The following THADA variants were observed in gnomAD, a reference collection of about 807,000 sequenced individuals.
THADA encodes the protein THADA armadillo repeat containing.
In THADA, 213 loss-of-function variants were observed where a neutral mutation model predicts 219.8. That is an observed-to-expected ratio of 0.97 (90% CI 0.87 to 1.09). The LOEUF is 1.09. Among genes scored for constraint, THADA ranks in the 50% least tolerant of loss-of-function variants. The pLI, the probability that THADA is intolerant of heterozygous loss-of-function variation, is 0.00. For synonymous variants in THADA, 1,018 were observed against 828.9 expected (o/e 1.23, Z -3.92); for missense variants, 2,956 against 2,311.3 (o/e 1.28, Z -5.72).
chr2:43,350,178 T>A (rs370148017), intron 29 of THADA, among the ~76,000 whole-genome samples: 3 of 152,172 alleles, frequency 2.0e-5, no homozygotes, highest in Non-Finnish European at 2.9e-5. Context: ...GTCGACTTAA[T>A]TCATACAAAC....
At chr2:43,423,225 C>G (rs534251137) in intron 28 of THADA, among the ~76,000 whole-genome samples, 1 of 152,190 alleles carries the variant, frequency 6.6e-6, no homozygotes, top group East Asian at 1.9e-4. Context: ...GATAAGCATG[C>G]AATCTAGCTT....
chr2:43,239,473 A>C (rs1267684481), intron 36 of THADA, among the ~76,000 whole-genome samples: 3 of 152,244 alleles, frequency 2.0e-5, no homozygotes, highest in Non-Finnish European at 2.9e-5. Flanking sequence ...AGTGATTATT[A>C]ATTTCTAGGC....
intron 30 of THADA, among the ~76,000 whole-genome samples, chr2:43,332,928 G>A (rs1573110525): frequency 6.6e-6 from 1 of 152,132 alleles, no homozygotes; most frequent in South Asian, 2.1e-4. Context: ...TTTATTTCTC[G>A]CTGCGGTATG....
intron 29 of THADA, among the ~76,000 whole-genome samples, chr2:43,354,098 G>A (rs1042329867): frequency 7.2e-5 from 11 of 151,892 alleles, no homozygotes; most frequent in Non-Finnish European, 1.5e-4. Context: ...ATTACAGGCG[G>A]GAGTGAGCCA....
chr2:43,410,429 C>T (rs568713091), intron 28 of THADA, among the ~76,000 whole-genome samples: 30 of 152,332 alleles, frequency 2.0e-4, no homozygotes, highest in Non-Finnish European at 3.1e-4. Context: ...AAAGGAGACT[C>T]GTGCATGATT....
In THADA at chr2:43,407,391, A is replaced by T. The variant is rs556681809; in HGVS notation, c.4059-9252T>A. Among the ~76,000 whole-genome samples, 11 of 152,300 alleles carry T rather than the reference A, an allele frequency of 7.2e-5. 1 individual carries two copies. The South Asian group carries it at 2.1e-3, about 29-fold the overall frequency. ...TTAAAAAACTTTTTTTTAGCTTTCA[A>T]ATTTTCTAGAACCTATGATAGCTCT... On this transcript the variant is annotated intron_variant, in intron 28 of 37. Coordinates refer to ENST00000405975, the MANE Select transcript of THADA (RefSeq NM_022065.5).
intron 8 of THADA, among the ~76,000 whole-genome samples, chr2:43,580,229 C>G (rs11890152): frequency 0.34 from 51,229 of 151,196 alleles, 8,901 homozygotes; most frequent in African/African-American, 0.4. Flanking sequence ...GTATTTTAGA[C>G]AGGATTTCAT....
chr2:43,253,162 A>G (rs1572783715), intron 36 of THADA, among the ~76,000 whole-genome samples: 1 of 152,064 alleles, frequency 6.6e-6, no homozygotes, highest in Admixed American at 6.6e-5. Flanking sequence ...AGGGCAGGGG[A>G]GTGATGTAAA....
intron 22 of THADA, among the ~76,000 whole-genome samples, chr2:43,509,175 C>T (rs530926133): frequency 6.6e-6 from 1 of 152,232 alleles, no homozygotes; most frequent in African/African-American, 2.4e-5. Context: ...AGGGATTACA[C>T]ATATTCAAAG....
In THADA at chr2:43,524,833, G is replaced by T. The variant is rs556760578; in HGVS notation, c.3374+3046C>A. On this transcript the variant is annotated intron_variant, in intron 22 of 37. Transcript: ENST00000405975. ...GAGGGGCTAAGATACCAGGCATTGGGCATTCCCTAGTCTCCCCGCTCCATT... is the reference window on the plus strand; with the variant it reads ...GAGGGGCTAAGATACCAGGCATTGGTCATTCCCTAGTCTCCCCGCTCCATT... Among the ~76,000 whole-genome samples, 15 of 152,292 alleles carry T rather than the reference G, an allele frequency of 9.8e-5. No individual in the cohort carries two copies. The East Asian group carries it at 2.9e-3, about 29-fold the overall frequency.
chr2:43,424,269 A>G (rs2104799902), intron 28 of THADA, among the ~76,000 whole-genome samples: 1 of 152,326 alleles, frequency 6.6e-6, no homozygotes, highest in East Asian at 1.9e-4. Flanking sequence ...GGAAACAAAA[A>G]GCTCTTGTTG....
chr2:43,381,765 G>T (rs1672058827), intron 29 of THADA, among the ~76,000 whole-genome samples: 1 of 151,980 alleles, frequency 6.6e-6, no homozygotes, highest in South Asian at 2.1e-4. Context: ...TTTTAGTGGA[G>T]ACGGGGTTTC....
Position 43,550,798 on chromosome 2 carries a change from T to C in THADA, c.2947+991A>G, listed in dbSNP as rs573283351. ...TAAGATTGCATGTTCCTTATTCTTATGCACTGCTCAAGTAGAAAATCTAAA... is the reference window on the plus strand; with the variant it reads ...TAAGATTGCATGTTCCTTATTCTTACGCACTGCTCAAGTAGAAAATCTAAA... On this transcript the variant is annotated intron_variant, in intron 19 of 37. Coordinates refer to ENST00000405975, the MANE Select transcript of THADA (RefSeq NM_022065.5). Among the ~76,000 whole-genome samples, 6 of 152,328 alleles carry C rather than the reference T, an allele frequency of 3.9e-5. No individual in the cohort carries two copies. In the East Asian group the frequency reaches 7.7e-4, roughly 20 times the overall value.
At chr2:43,326,636 G>T (rs372124618) in intron 30 of THADA, among the ~76,000 whole-genome samples, 2 of 152,164 alleles carry the variant, frequency 1.3e-5, no homozygotes, top group East Asian at 3.8e-4. Flanking sequence ...TAGAAAGATG[G>T]CCAGTGGGAT....
chr2:43,523,499 G>T (rs1190384497), intron 22 of THADA, among the ~76,000 whole-genome samples: 2 of 152,118 alleles, frequency 1.3e-5, no homozygotes, highest in East Asian at 1.9e-4. Context: ...ATTCTTTAGA[G>T]ACTTGGTCTT....
intron 31 of THADA, among the ~76,000 whole-genome samples, chr2:43,311,038 T>C (rs147638295): frequency 0.014 from 2,069 of 152,036 alleles, 46 homozygotes; most frequent in African/African-American, 0.046. Flanking sequence ...TAGCCAGGTG[T>C]GGTGGCACAT....
At chr2:43,268,885 C>T (rs145634808) in intron 36 of THADA, among the ~76,000 whole-genome samples, 1 of 152,264 alleles carries the variant, frequency 6.6e-6, no homozygotes, top group Non-Finnish European at 1.5e-5. Context: ...TAGAGTCAGG[C>T]CTGAAGCTGG....
At chr2:43,342,111 G>A (rs1667126908) in intron 30 of THADA, among the ~76,000 whole-genome samples, 2 of 152,122 alleles carry the variant, frequency 1.3e-5, no homozygotes, top group Non-Finnish European at 2.9e-5. Context: ...GCTGCTCAGG[G>A]GACTGAGGCG....
chr2:43,588,476 T>C (rs1243774920), intron 4 of THADA, among the ~76,000 whole-genome samples: 1 of 152,024 alleles, frequency 6.6e-6, no homozygotes, highest in African/African-American at 2.4e-5. Context: ...TAAAGACAAG[T>C]AACAAAGGAA....
Sources: gnomAD v4.1 joint callset for allele counts (sites outside exome capture counted in the v4.1 genomes callset) on GRCh38, gnomAD v4.1.1 for gene constraint, MANE v1.5 for transcripts, NCBI Gene and HGNC (gene_info 2026-07-23, HGNC 2026-07-21) for gene names.